Variants in KIF3A observed in about 807,000 individuals in gnomAD.
The protein encoded by KIF3A is kinesin-like protein KIF3A.
A neutral mutation model predicts 92.6 loss-of-function variants in KIF3A; 27 were observed. That is an observed-to-expected ratio of 0.29 (90% confidence interval 0.21 to 0.40). The LOEUF (loss-of-function observed/expected upper bound fraction) is 0.40, where lower values mean the gene tolerates loss of function less well. Among genes scored for constraint, KIF3A ranks in the 10% least tolerant of loss-of-function variants. The probability of loss-of-function intolerance (pLI) is 1.00; values close to 1 mark genes in which losing one functional copy is unlikely to be tolerated. For synonymous variants in KIF3A, 250 were observed against 275.4 expected (o/e 0.91, Z 0.92); for missense variants, 581 against 872.6 (o/e 0.67, Z 4.21).
chr5:132,710,699 G>A (rs1753390089), intron 9 of KIF3A, among the ~76,000 whole-genome samples: 1 of 151,954 alleles, frequency 6.6e-6, no homozygotes, highest in Non-Finnish European at 1.5e-5. Flanking sequence ...AAACACACAG[G>A]AAATTTTAAA....
intron 2 of KIF3A, among the ~76,000 whole-genome samples, chr5:132,733,482 A>G (rs1221139823): frequency 2.0e-5 from 3 of 152,258 alleles, no homozygotes; most frequent in Non-Finnish European, 4.4e-5. Flanking sequence ...AAATAAATGG[A>G]GAGAAGCTGG....
chr5:132,703,010 C>A lies in KIF3A; in HGVS notation c.1522G>T (p.Val508Phe). Residue 508 changes from valine (V) to phenylalanine (F), a missense_variant, in exon 13 of 19, where the codon GTT becomes TTT. This residue lies in a region of KIF3A where 167 missense variants were observed against 205.8 expected (regional missense o/e 0.81). Coordinates refer to ENST00000403231, the MANE Select transcript of KIF3A (RefSeq NM_001300791.2). ...KLSALEKKVI[V>F]GGVDLLAKAE... is the part of the protein sequence containing the mutation. ...TTGGCCAACAAGTCAACCCCACCAA[C>A]AATTACCTTCTTTTCCAGGGCAGAT... 6.2e-7 allele frequency: 1 copy of A among 1,612,574 alleles called. No homozygotes were observed. The highest frequency in any genetic ancestry group is 8.5e-7 in the Non-Finnish European group (1 of 1,179,606).
intron 2 of KIF3A, among the ~76,000 whole-genome samples, chr5:132,733,197 C>A (rs940447907): frequency 6.6e-6 from 1 of 152,014 alleles, no homozygotes; most frequent in Non-Finnish European, 1.5e-5. Flanking sequence ...AAACAGACAG[C>A]GGTGACAGCT....
chr5:132,737,266 G>T, intron 1 of KIF3A, 148 bp downstream of exon 1: 3 of 865,062 alleles, frequency 3.5e-6, no homozygotes, highest in Non-Finnish European at 5.0e-6. Flanking sequence ...GACCAGCCAG[G>T]CTCTCCAACC....
chr5:132,706,444 C>T lies in KIF3A; in HGVS notation c.1309+7G>A. On this transcript the variant is annotated splice_region_variant and intron_variant, in intron 11 of 18. Transcript: ENST00000403231. ...TACCATGTGGAGTGCAAATCAATCA[C>T]ACCAACCTGCTTGATCTTGCAATAA... The T allele has an allele frequency of 6.5e-6, 10 of 1,541,562 alleles. No individual in the cohort carries two copies. The highest frequency in any genetic ancestry group is 8.8e-6 in the Non-Finnish European group (10 of 1,142,728).
intron 2 of KIF3A, among the ~76,000 whole-genome samples, chr5:132,732,868 C>T (rs111431693): frequency 2.7e-5 from 4 of 150,730 alleles, no homozygotes; most frequent in Non-Finnish European, 5.9e-5. Flanking sequence ...AAGATCACGC[C>T]ACTGCAATCC....
Position 132,715,024 on chromosome 5 carries a change from C to T in KIF3A, c.1129+733G>A, listed in dbSNP as rs916316167. On this transcript the variant is annotated intron_variant, in intron 8 of 18. Transcript: ENST00000403231. Reference sequence around the variant, plus strand: ...CCTCTCTAAACATTTGTGATGCTGGCGTCTCTGAATTTCACCTCTGATCTA... The same window carrying T: ...CCTCTCTAAACATTTGTGATGCTGGTGTCTCTGAATTTCACCTCTGATCTA... Among the ~76,000 whole-genome samples, 4 of 152,092 alleles carry T rather than the reference C, an allele frequency of 2.6e-5. No individual in the cohort carries two copies. The East Asian group carries it at 5.8e-4, about 22-fold the overall frequency.
At chr5:132,708,110 C>T (rs1325793204) in intron 10 of KIF3A, among the ~76,000 whole-genome samples, 2 of 151,826 alleles carry the variant, frequency 1.3e-5, no homozygotes, top group Non-Finnish European at 1.5e-5. Flanking sequence ...GGTGAAACCC[C>T]GTCTCTACTA....
rs1752945517 is a variant in KIF3A at position 132,699,280 on chromosome 5, G to A, written c.2023C>T (p.Leu675Phe). ...GTATAGGCAAGATACACGTGAGAAA[G>A]GTCCACCTCAAAGGGCTAAGTAAAA... is the stretch of plus-strand genomic sequence containing the variant. ...KKEKDPFEVD[L>F]SHVYLAYTEE... The change falls in exon 18 of 19, where the codon CTT becomes TTT. Residue 675 changes from leucine (L) to phenylalanine (F), a missense_variant. By Grantham distance (22) the Leu-to-Phe change is conservative. Transcript: ENST00000403231. 1.9e-6 allele frequency: 3 copies of A among 1,613,552 alleles called. No homozygotes were observed. The highest frequency in any genetic ancestry group is 1.7e-5 in the Admixed American group (1 of 59,950).
At position 132,700,664 on chromosome 5, in the gene KIF3A, T is replaced by C. The variant is rs1753005717; in HGVS notation, c.1921A>G (p.Ile641Val). 1 of 1,593,454 alleles carries C rather than the reference T, an allele frequency of 6.3e-7. No homozygotes were observed. Among genetic ancestry groups the C allele is most frequent in the Non-Finnish European group, 8.6e-7 (1 of 1,161,270 alleles). ...IENYVHWNED[I>V]GEWQLKCVAY... The stretch of plus-strand genomic sequence containing the variant: ...ATACTCACTAGCTGCCATTCTCCTA[T>C]GTCTTCATTCCAATGGACATAGTTT... Residue 641 changes from isoleucine to valine, a missense_variant, in exon 16 of 19, where the codon ATA becomes GTA. Transcript: ENST00000403231.
chr5:132,714,386 T>G (rs150270533), intron 8 of KIF3A, among the ~76,000 whole-genome samples: 1 of 152,304 alleles, frequency 6.6e-6, no homozygotes, highest in East Asian at 1.9e-4. Flanking sequence ...CACAGAAATG[T>G]AGACTTAAAT....
Position 132,726,473 on chromosome 5 carries a change from G to C in KIF3A, c.306C>G (p.Thr102=), listed in dbSNP as rs769484086. The change falls in exon 3 of 19, where the codon ACC becomes ACG. Residue 102 remains threonine, a synonymous_variant. Coordinates refer to ENST00000403231, the MANE Select transcript of KIF3A (RefSeq NM_001300791.2). ...CCATGGTAAAAGTTTTGCCTGTTCC[G>C]GTTTGTCCATATGCAAAAATAGTCC... ...YNGTIFAYGQ[T]GTGKTFTMEG... is the part of the protein sequence containing the mutation. The C allele has an allele frequency of 2.5e-5, 40 of 1,613,382 alleles. No homozygotes were observed. The highest frequency in any genetic ancestry group is 2.6e-5 in the Non-Finnish European group (31 of 1,179,614).
At chr5:132,722,689 CAAT>C (rs1199158582) in intron 4 of KIF3A, among the ~76,000 whole-genome samples, 1 of 152,084 alleles carries the variant, frequency 6.6e-6, no homozygotes, top group Non-Finnish European at 1.5e-5. Flanking sequence ...TTCCATATAG[CAAT>C]AATATGAGAA....
chr5:132,722,548 A>T (rs1204096035), intron 4 of KIF3A, among the ~76,000 whole-genome samples: 1 of 152,234 alleles, frequency 6.6e-6, no homozygotes, highest in Non-Finnish European at 1.5e-5. Context: ...ACTGTCCCAC[A>T]GAATTTTGAA....
chr5:132,736,848 T>C (rs1202010821), intron 1 of KIF3A: 1 of 418,364 alleles, frequency 2.4e-6, no homozygotes, highest in Non-Finnish European at 4.8e-6. Context: ...ACGATAACAA[T>C]CTGTGAAATC....
In KIF3A at chr5:132,708,838, G is replaced by A. The variant is rs1581073803; in HGVS notation, c.1300+69C>T. 4.0e-5 allele frequency: 41 copies of A among 1,024,788 alleles called. No homozygotes were observed. The East Asian group carries it at 1.0e-3, about 26-fold the overall frequency. 63.5% of individuals were successfully genotyped at this position (1,024,788 alleles called of 1,614,324 possible). A position where few individuals can be genotyped will look rare whatever the true frequency, so the allele number is the denominator to read the frequency against. On this transcript the variant is annotated intron_variant, in intron 10 of 18. Coordinates refer to ENST00000403231, the MANE Select transcript of KIF3A (RefSeq NM_001300791.2). ...TAATGACAGGGAGTGGTGCAGCATT[G>A]CTCAAATGAAGCCCATGGGTTATGG...
At chr5:132,715,622 T>G in intron 8 of KIF3A, 135 bp downstream of exon 8, 1 of 610,260 alleles carries the variant, frequency 1.6e-6, no homozygotes, top group Non-Finnish European at 2.8e-6. Context: ...CCAAGTCACT[T>G]TCTAGAAATA....
At chr5:132,708,380 C>T (rs1275752090) in intron 10 of KIF3A, among the ~76,000 whole-genome samples, 1 of 150,882 alleles carries the variant, frequency 6.6e-6, no homozygotes. Context: ...CTATTCAATT[C>T]ATCTTTACTT....
chr5:132,716,479 T>C (rs1184477836), intron 6 of KIF3A, 37 bp from the exon 7 acceptor site: 8 of 1,532,882 alleles, frequency 5.2e-6, no homozygotes, highest in Non-Finnish European at 7.1e-6. Flanking sequence ...AGCTAAAATT[T>C]TTTTAAAAAT....
Sources: gnomAD v4.1 joint callset for allele counts (sites outside exome capture counted in the v4.1 genomes callset) on GRCh38, gnomAD v4.1.1 for gene constraint, gnomAD v4.1.1 regional missense constraint, MANE v1.5 for transcripts, NCBI Gene and HGNC (gene_info 2026-07-23, HGNC 2026-07-21) for gene names.